CACNA1E: variants seen among roughly 807,000 people sequenced by gnomAD.
CACNA1E encodes the protein calcium voltage-gated channel subunit alpha1 E, also known as voltage-dependent R-type calcium channel subunit alpha-1E.
CACNA1E carries 40 observed loss-of-function variants against 259.2 expected under a neutral mutation model. That is an observed-to-expected ratio of 0.15 (90% confidence interval 0.12 to 0.20). The LOEUF (loss-of-function observed/expected upper bound fraction) is 0.20, where lower values mean the gene tolerates loss of function less well. CACNA1E is among the 10% of genes least tolerant of loss of function. The probability of loss-of-function intolerance (pLI) is 1.00; values close to 1 mark genes in which losing one functional copy is unlikely to be tolerated. For synonymous variants in CACNA1E, 1,104 were observed against 1,138.5 expected, an observed-to-expected ratio of 0.97 and a Z score of 0.61; for missense variants, 1,874 against 3,040.1, an observed-to-expected ratio of 0.62 and a Z score of 9.02.
At chr1:181,338,806 G>A (rs960444249) in intron 1 of CACNA1E, among the ~76,000 whole-genome samples, 20 of 151,820 alleles carry the variant, frequency 1.3e-4, no homozygotes, top group Admixed American at 9.8e-4. Context: ...CTTATGTTTT[G>A]GTCTTTAATC....
At chr1:181,702,967 T>G (rs987531829) in intron 7 of CACNA1E, among the ~76,000 whole-genome samples, 1 of 152,210 alleles carries the variant, frequency 6.6e-6, no homozygotes, top group Non-Finnish European at 1.5e-5. Flanking sequence ...GGACAAAGAT[T>G]TGCTTCTTTT....
Position 181,387,664 on chromosome 1 carries a change from C to T in CACNA1E, c.-14-25469C>T, listed in dbSNP as rs74422248. Among the ~76,000 whole-genome samples, 379 of 152,318 alleles carry T rather than the reference C, an allele frequency of 2.5e-3. 4 individuals carry two copies. Among genetic ancestry groups the T allele is most frequent in the African/African-American group, 8.3e-3 (343 of 41,572 alleles). ...GGTGTTGCCCCATTTTCAGAGTACA[C>T]GGAGACTGGAGACGTGGTAATTTTA... On this transcript the variant is annotated intron_variant, in intron 1 of 11. Transcript: ENST00000524607.
In CACNA1E at chr1:181,483,799, T is replaced by C; in HGVS notation, c.55T>C (p.Ser19Pro). 1.2e-6 allele frequency: 2 copies of C among 1,612,724 alleles called. No individual in the cohort carries two copies. Among genetic ancestry groups the C allele is most frequent in the Non-Finnish European group, 1.7e-6 (2 of 1,179,292 alleles). The change falls in exon 1 of 48, where the codon TCG (serine) becomes CCG (proline). Residue 19 changes from serine (S) to proline (P), a missense_variant. Physicochemically the swap from Ser to Pro is moderately conservative, Grantham distance 74. Coordinates refer to ENST00000367573, the MANE Select transcript of CACNA1E (RefSeq NM_001205293.3). ...CAGGCCAGGGTCCGGCGATGGAGAC[T>C]CGGACCAGAGCAGGAACCGGCAAGG... Reference protein sequence around the residue: ...VARPGSGDGDSDQSRNRQGTP... With the variant: ...VARPGSGDGDPDQSRNRQGTP...
rs1042876297 is a variant in CACNA1E, at chr1:181,800,931, C to CT, written c.*2101dup. On this transcript the variant is annotated 3_prime_UTR_variant, in exon 48 of 48. Coordinates refer to ENST00000367573, the MANE Select transcript of CACNA1E (RefSeq NM_001205293.3). ...CAGAGCTCTCCCACTCTCAGACCCTCTTTTGTCTTCATTTTCCTCTCCCAC... is the reference window on the plus strand; with the variant it reads ...CAGAGCTCTCCCACTCTCAGACCCTCTTTTTGTCTTCATTTTCCTCTCCCAC... The CT allele has an allele frequency of 6.5e-6, 1 of 152,710 alleles. No individual in the cohort carries two copies. Among genetic ancestry groups the CT allele is most frequent in the African/African-American group, 2.4e-5 (1 of 41,464 alleles). 9.5% of individuals were successfully genotyped at this position (152,710 alleles called of 1,614,324 possible).
In CACNA1E at chr1:181,799,814, T is replaced by A. The variant is rs1279498086; in HGVS notation, c.*980T>A. 8.1e-6 allele frequency: 1 copy of A among 123,020 alleles called. No individual in the cohort carries two copies. The highest frequency in any genetic ancestry group is 1.7e-5 in the Non-Finnish European group (1 of 57,334). The allele number at this position is 123,020 out of a possible 1,614,324, so 7.6% of individuals were successfully genotyped here. A position where few individuals can be genotyped will look rare whatever the true frequency, so the allele number is the denominator to read the frequency against. ...GGGCCACCTAAGAGATTAAAAACAGTCTGTTTTCCAACCAGTGTGGAAGCA... is the reference window on the plus strand; with the variant it reads ...GGGCCACCTAAGAGATTAAAAACAGACTGTTTTCCAACCAGTGTGGAAGCA... On this transcript the variant is annotated 3_prime_UTR_variant, in exon 48 of 48. Transcript: ENST00000367573.
chr1:181,444,986 T>A (rs945839542), intron 2 of CACNA1E, among the ~76,000 whole-genome samples: 2 of 152,210 alleles, frequency 1.3e-5, no homozygotes, highest in African/African-American at 2.4e-5. Flanking sequence ...CATCTCTGGC[T>A]CACTGATGGC....
intron 2 of CACNA1E, among the ~76,000 whole-genome samples, chr1:181,463,188 A>G (rs1318496357): frequency 1.3e-5 from 2 of 152,204 alleles, no homozygotes; most frequent in East Asian, 3.8e-4. Context: ...AGTTTAATTT[A>G]TAAATTAGAC....
chr1:181,461,331 G>A (rs552408193), intron 2 of CACNA1E, among the ~76,000 whole-genome samples: 188 of 152,032 alleles, frequency 1.2e-3, no homozygotes, highest in African/African-American at 4.3e-3. Flanking sequence ...CACGAGGTCA[G>A]GAGATCGAGA....
intron 3 of CACNA1E, among the ~76,000 whole-genome samples, chr1:181,519,777 A>T (rs774310143): frequency 1.4e-4 from 21 of 152,120 alleles, no homozygotes. Flanking sequence ...ATGAAGCTGG[A>T]GGTATTAAGA....
intron 6 of CACNA1E, among the ~76,000 whole-genome samples, chr1:181,629,590 C>T (rs1333970489): frequency 6.6e-6 from 1 of 151,360 alleles, no homozygotes; most frequent in African/African-American, 2.4e-5. Context: ...TAAAGGACAC[C>T]ATAAGTAATG....
chr1:181,406,628 C>A (rs1330775106), intron 1 of CACNA1E, among the ~76,000 whole-genome samples: 2 of 152,070 alleles, frequency 1.3e-5, no homozygotes, highest in Admixed American at 1.3e-4. Flanking sequence ...AAACTCCTGA[C>A]TTTTTGATCC....
intron 39 of CACNA1E, among the ~76,000 whole-genome samples, chr1:181,782,579 G>T (rs1037588635): frequency 2.6e-5 from 4 of 152,246 alleles, no homozygotes; most frequent in South Asian, 2.1e-4. Flanking sequence ...CTTTAGGCAG[G>T]ATGCTGCAAT....
At chr1:181,452,168 T>C (rs1355467241) in intron 2 of CACNA1E, among the ~76,000 whole-genome samples, 1 of 152,166 alleles carries the variant, frequency 6.6e-6, no homozygotes, top group East Asian at 1.9e-4. Flanking sequence ...GCTCCTTGGG[T>C]GAGAAGACAA....
chr1:181,330,040 A>G (rs1361206137), intron 1 of CACNA1E, among the ~76,000 whole-genome samples: 1 of 152,080 alleles, frequency 6.6e-6, no homozygotes, highest in Non-Finnish European at 1.5e-5. Flanking sequence ...TCTGGTTCTG[A>G]GCATGTGAGC....
intron 16 of CACNA1E, among the ~76,000 whole-genome samples, chr1:181,723,652 C>T (rs1192938202): frequency 1.3e-5 from 2 of 152,168 alleles, no homozygotes; most frequent in African/African-American, 4.8e-5. Flanking sequence ...GGTTACTTTA[C>T]CTGTGTTTTG....
intron 1 of CACNA1E, among the ~76,000 whole-genome samples, chr1:181,500,479 G>A (rs947103002): frequency 2.6e-5 from 4 of 152,198 alleles, no homozygotes; most frequent in South Asian, 2.1e-4. Flanking sequence ...CTTTTCCCCC[G>A]AAGTTAAACA....
intron 38 of CACNA1E, among the ~76,000 whole-genome samples, chr1:181,777,252 G>A (rs1195386331): frequency 6.6e-6 from 1 of 152,126 alleles, no homozygotes; most frequent in African/African-American, 2.4e-5. Flanking sequence ...TAGCTTTTGG[G>A]TCTTAACTCA....
intron 40 of CACNA1E, among the ~76,000 whole-genome samples, chr1:181,784,402 C>T (rs568239692): frequency 4.0e-4 from 61 of 152,280 alleles, no homozygotes; most frequent in Middle Eastern, 3.4e-3. Context: ...GCTTTTAGAA[C>T]GAATGAGGAA....
intron 7 of CACNA1E, among the ~76,000 whole-genome samples, chr1:181,675,480 C>T (rs979248398): frequency 3.9e-5 from 6 of 151,930 alleles, no homozygotes; most frequent in East Asian, 1.9e-4. Flanking sequence ...TTATGCAAAA[C>T]GTATATGTGT....
Sources: gnomAD v4.1 joint callset for allele counts (sites outside exome capture counted in the v4.1 genomes callset) on GRCh38, gnomAD v4.1.1 for gene constraint, MANE v1.5 for transcripts, NCBI Gene and HGNC (gene_info 2026-07-23, HGNC 2026-07-21) for gene names.